SC5D: variants seen among roughly 807,000 people sequenced by gnomAD.
The protein encoded by SC5D is lathosterol oxidase.
Under a neutral mutation model 23.9 loss-of-function variants are expected in SC5D, and 21 were observed. The ratio of observed to expected loss-of-function variants is 0.88; its 90% CI spans 0.62 to 1.26. The LOEUF is 1.26. SC5D is among the 50% of genes most tolerant of loss of function. The probability of loss-of-function intolerance (pLI) is 0.00; values close to 1 mark genes in which losing one functional copy is unlikely to be tolerated. For synonymous variants in SC5D, 113 were observed against 125.9 expected, an observed-to-expected ratio of 0.90 and a Z score of 0.68; for missense variants, 309 against 364.8, an observed-to-expected ratio of 0.85 and a Z score of 1.25.
chr11:121,305,880 A>G (rs1947960630), intron 3 of SC5D: 1 of 165,060 alleles, frequency 6.1e-6, no homozygotes, highest in Non-Finnish European at 1.3e-5. Flanking sequence ...ATACAGAGGT[A>G]AAACTTCCAA....
intron 1 of SC5D, among the ~76,000 whole-genome samples, chr11:121,298,910 G>C (rs1309343632): frequency 6.6e-6 from 1 of 152,188 alleles, no homozygotes; most frequent in Non-Finnish European, 1.5e-5. Context: ...CGGGTCACAA[G>C]GTGCTCAGTA....
chr11:121,302,973 A>C (rs1010015428), intron 1 of SC5D, among the ~76,000 whole-genome samples: 2 of 152,192 alleles, frequency 1.3e-5, no homozygotes, highest in Non-Finnish European at 2.9e-5. Context: ...TGAAACTTGT[A>C]GCTGAAAGAG....
At chr11:121,299,040 C>A (rs189288799) in intron 1 of SC5D, among the ~76,000 whole-genome samples, 2 of 152,158 alleles carry the variant, frequency 1.3e-5, no homozygotes, top group Non-Finnish European at 2.9e-5. Context: ...TGGATGTATA[C>A]GTGCAGACTT....
At chr11:121,304,330 G>C (rs111249055) in intron 2 of SC5D, 31 bp from the exon 3 acceptor site, 1 of 1,610,112 alleles carries the variant, frequency 6.2e-7, no homozygotes, top group Admixed American at 1.7e-5. Flanking sequence ...TGGATTTTGT[G>C]ATTTTTAAGT....
rs191013973 is a variant in SC5D, at chr11:121,304,991, C to T, written c.343+498C>T. ...GAATTTTGTTTCTCTTAGCAACTTA[C>T]ATGGTTGTATTTTCATGTCAAAAAA... On this transcript the variant is annotated intron_variant, in intron 3 of 4. Coordinates refer to ENST00000264027, the MANE Select transcript of SC5D (RefSeq NM_006918.5). 359 of 168,072 alleles carry T rather than the reference C, an allele frequency of 2.1e-3. 2 individuals carry two copies. Among genetic ancestry groups the T allele is most frequent in the African/African-American group, 8.3e-3 (346 of 41,580 alleles). The allele number at this position is 168,072 out of a possible 1,614,324, so 10.4% of individuals were successfully genotyped here.
chr11:121,309,861 A>G lies in SC5D; in HGVS notation c.*2349A>G, dbSNP rs1947995938. ...AAATTACCTTCTACAGATGACTTTT[A>G]TAGTTACAGGACAGAAAGTGAAAAT... On this transcript the variant is annotated 3_prime_UTR_variant, in exon 5 of 5. Transcript: ENST00000264027. Among the ~76,000 whole-genome samples, 1 of 152,246 alleles carries G rather than the reference A, an allele frequency of 6.6e-6. No individual in the cohort carries two copies. Among genetic ancestry groups the G allele is most frequent in the Non-Finnish European group, 1.5e-5 (1 of 68,048 alleles).
chr11:121,307,443 C>T lies in SC5D; in HGVS notation c.831C>T (p.Arg277=). The T allele has an allele frequency of 6.2e-7, 1 of 1,610,160 alleles. No individual in the cohort carries two copies. The highest frequency in any genetic ancestry group is 8.5e-7 in the Non-Finnish European group (1 of 1,178,320). ...SYVKEMTEGK[R]SSHSGNGCKN... is the part of the protein sequence containing the mutation. ...TGAAGGAGATGACAGAGGGAAAGCGCAGCAGCCATTCAGGAAATGGCTGTA... is the reference window on the plus strand; with the variant it reads ...TGAAGGAGATGACAGAGGGAAAGCGTAGCAGCCATTCAGGAAATGGCTGTA... Residue 277 remains arginine, a synonymous_variant, in exon 5 of 5, where the codon CGC becomes CGT. Transcript: ENST00000264027.
intron 4 of SC5D, 96 bp downstream of exon 4, chr11:121,306,582 C>T (rs1947966654): frequency 1.3e-6 from 1 of 742,896 alleles, no homozygotes; most frequent in Non-Finnish European, 2.4e-6. Flanking sequence ...TTTCCTCTAC[C>T]CATATTAAAT....
chr11:121,295,270 G>A (rs1947881070), intron 1 of SC5D, among the ~76,000 whole-genome samples: 1 of 152,174 alleles, frequency 6.6e-6, no homozygotes, highest in Non-Finnish European at 1.5e-5. Context: ...ACATTTTAGG[G>A]AGACATGAGA....
intron 4 of SC5D, chr11:121,306,690 A>G (rs1416069969): frequency 5.9e-6 from 4 of 676,896 alleles, no homozygotes; most frequent in South Asian, 4.6e-5. Flanking sequence ...CTGTTCCGGT[A>G]ACAGGTACAC....
At chr11:121,306,181 A>G in intron 3 of SC5D, 1 of 556,464 alleles carries the variant, frequency 1.8e-6, no homozygotes, top group Non-Finnish European at 3.2e-6. Context: ...GAACATTTCA[A>G]GTACTTATGC....
rs1238947815 is a variant in SC5D, at chr11:121,312,180, T to A, written c.*4668T>A. On this transcript the variant is annotated 3_prime_UTR_variant, in exon 5 of 5. Transcript: ENST00000264027. ...ACCTTCCTTGAAAAGCAGAATAAAT[T>A]TTTTAAAGGCAGGAAGGAAGTGTTT... Among the ~76,000 whole-genome samples, 1 of 152,174 alleles carries A rather than the reference T, an allele frequency of 6.6e-6. No homozygotes were observed. Among genetic ancestry groups the A allele is most frequent in the Non-Finnish European group, 1.5e-5 (1 of 68,004 alleles).
At chr11:121,299,418 C>T (rs1947911450) in intron 1 of SC5D, among the ~76,000 whole-genome samples, 1 of 152,166 alleles carries the variant, frequency 6.6e-6, no homozygotes, top group Admixed American at 6.5e-5. Context: ...TGAAAGTTTA[C>T]TGAATTTTTC....
chr11:121,292,971 CGCG>C (rs1947862147), intron 1 of SC5D, 155 bp downstream of exon 1: 1 of 152,360 alleles, frequency 6.6e-6, no homozygotes, highest in African/African-American at 2.4e-5. Flanking sequence ...TTCTCCGCGC[CGCG>C]GTTGGTTAGC....
At position 121,308,108 on chromosome 11, in the gene SC5D, CAT is replaced by C; in HGVS notation, c.*598_*599del. ...GTAATAAGACTATCGTCTTCCTACA[CAT>C]AGGAGGCTCATTCTCTGGACACACT... On this transcript the variant is annotated 3_prime_UTR_variant, in exon 5 of 5. Transcript: ENST00000264027. 1 of 152,544 alleles carries C rather than the reference CAT, an allele frequency of 6.6e-6. No individual in the cohort carries two copies. Among genetic ancestry groups the C allele is most frequent in the Middle Eastern group, 3.4e-3 (1 of 294 alleles). 9.4% of individuals were successfully genotyped at this position (152,544 alleles called of 1,614,324 possible). A position where few individuals can be genotyped will look rare whatever the true frequency, so the allele number is the denominator to read the frequency against.
chr11:121,297,038 G>A (rs12284608), intron 1 of SC5D, among the ~76,000 whole-genome samples: 93 of 152,286 alleles, frequency 6.1e-4, no homozygotes, highest in African/African-American at 2.2e-3. Context: ...TGCAAATTAA[G>A]TATACCCGAG....
intron 1 of SC5D, among the ~76,000 whole-genome samples, chr11:121,297,842 G>A (rs1396884456): frequency 6.6e-6 from 1 of 152,160 alleles, no homozygotes; most frequent in African/African-American, 2.4e-5. Flanking sequence ...GATGTATTTA[G>A]TATTAACAAG....
chr11:121,302,584 G>A (rs1206243255), intron 1 of SC5D, among the ~76,000 whole-genome samples: 1 of 152,158 alleles, frequency 6.6e-6, no homozygotes, highest in Non-Finnish European at 1.5e-5. Context: ...GGTTCAACGG[G>A]CCATACTGTC....
At chr11:121,299,913 T>C (rs2134264802) in intron 1 of SC5D, among the ~76,000 whole-genome samples, 1 of 152,162 alleles carries the variant, frequency 6.6e-6, no homozygotes, top group Admixed American at 6.5e-5. Flanking sequence ...AAATAAATAA[T>C]AAAAAAGAAC....
Sources: allele counts gnomAD v4.1 joint callset (sites outside exome capture counted in the v4.1 genomes callset), GRCh38; gene constraint gnomAD v4.1.1; transcripts MANE v1.5; gene names NCBI Gene and HGNC (gene_info 2026-07-23, HGNC 2026-07-21).